CTCF: variants seen among roughly 807,000 people sequenced by gnomAD.
The protein encoded by CTCF is CCCTC-binding factor.
CTCF carries 7 observed loss-of-function variants against 72.3 expected under a neutral mutation model. The ratio of observed to expected loss-of-function variants is 0.10; its 90% CI spans 0.06 to 0.18. The LOEUF is 0.18. Among genes scored for constraint, CTCF ranks in the 10% least tolerant of loss-of-function variants. The probability of loss-of-function intolerance (pLI) is 1.00; values close to 1 mark genes in which losing one functional copy is unlikely to be tolerated. For missense variants in CTCF, 516 were observed against 949.1 expected, an observed-to-expected ratio of 0.54 and a Z score of 6.00; for synonymous variants, 374 against 315.8, an observed-to-expected ratio of 1.18 and a Z score of -1.95.
chr16:67,578,291 T>G (rs1403582363), intron 2 of CTCF, among the ~76,000 whole-genome samples: 1 of 151,360 alleles, frequency 6.6e-6, no homozygotes, highest in Non-Finnish European at 1.5e-5. Context: ...CCAAAGAAAA[T>G]TCTGCGTATA....
chr16:67,631,691 CT>C (rs1420919194), intron 10 of CTCF, among the ~76,000 whole-genome samples: 246 of 90,920 alleles, frequency 2.7e-3, no homozygotes, highest in African/African-American at 0.012. Flanking sequence ...CCCCCCCCCC[CT>C]TTTTTTTTTC....
chr16:67,635,135 C>T (rs2052412935), intron 10 of CTCF, among the ~76,000 whole-genome samples: 1 of 152,104 alleles, frequency 6.6e-6, no homozygotes, highest in African/African-American at 2.4e-5. Context: ...GATTCCACTG[C>T]CTCAGCCTCC....
At chr16:67,617,766 A>G (rs1024277868) in intron 5 of CTCF, among the ~76,000 whole-genome samples, 5 of 152,220 alleles carry the variant, frequency 3.3e-5, no homozygotes, top group African/African-American at 1.2e-4. Flanking sequence ...GCATTTTAAA[A>G]TGGTAGGTTT....
chr16:67,633,455 T>C (rs766694217), intron 10 of CTCF, among the ~76,000 whole-genome samples: 1 of 152,144 alleles, frequency 6.6e-6, no homozygotes, highest in Non-Finnish European at 1.5e-5. Context: ...GAATGGACAA[T>C]TGTGGCATTA....
chr16:67,637,982 A>C lies in CTCF; in HGVS notation c.*110A>C. ...TTGGCTTTGGGAAAAGCATCATTTT[A>C]CCAAACATACCGAGAACGAAAACTT... On this transcript the variant is annotated 3_prime_UTR_variant, in exon 12 of 12. Coordinates refer to ENST00000264010, the MANE Select transcript of CTCF (RefSeq NM_006565.4). The C allele has an allele frequency of 3.0e-6, 3 of 986,764 alleles. No homozygotes were observed. Among genetic ancestry groups the C allele is most frequent in the Non-Finnish European group, 4.4e-6 (3 of 688,866 alleles). The allele number at this position is 986,764 out of a possible 1,614,324, so 61.1% of individuals were successfully genotyped here.
chr16:67,618,457 A>T (rs2052161740), intron 5 of CTCF, among the ~76,000 whole-genome samples: 1 of 152,222 alleles, frequency 6.6e-6, no homozygotes, highest in Non-Finnish European at 1.5e-5. Flanking sequence ...ATCCTAATTA[A>T]TTCTGAAACA....
chr16:67,588,283 T>C (rs1289997461), intron 2 of CTCF, among the ~76,000 whole-genome samples: 3 of 152,216 alleles, frequency 2.0e-5, no homozygotes, highest in Non-Finnish European at 4.4e-5. Context: ...GTGTGTAGTT[T>C]ATTCCTATTT....
At chr16:67,592,279 G>C (rs1338590637) in intron 2 of CTCF, among the ~76,000 whole-genome samples, 5 of 151,924 alleles carry the variant, frequency 3.3e-5, no homozygotes, top group African/African-American at 4.8e-5. Context: ...GGGCATAGTG[G>C]TGTACGCCTG....
intron 3 of CTCF, 44 bp from the exon 4 acceptor site, chr16:67,611,907 A>G: frequency 6.5e-7 from 1 of 1,547,116 alleles, no homozygotes. Flanking sequence ...TAATCTTAAC[A>G]CTTTGAAACT....
At chr16:67,630,601 A>T (rs1432053430) in intron 10 of CTCF, among the ~76,000 whole-genome samples, 1 of 152,134 alleles carries the variant, frequency 6.6e-6, no homozygotes, top group East Asian at 1.9e-4. Context: ...CAAAAAATTT[A>T]AAAATTAGCC....
chr16:67,582,384 T>C (rs1444105149), intron 2 of CTCF, among the ~76,000 whole-genome samples: 4 of 151,862 alleles, frequency 2.6e-5, no homozygotes, highest in East Asian at 1.9e-4. Context: ...TCCTCATTAA[T>C]TGAATTATTT....
At chr16:67,580,555 T>G (rs1411035775) in intron 2 of CTCF, among the ~76,000 whole-genome samples, 1 of 151,422 alleles carries the variant, frequency 6.6e-6, no homozygotes, top group East Asian at 1.9e-4. Context: ...TATTTATGTA[T>G]TTATTTATTT....
chr16:67,581,252 T>A (rs145378134), intron 2 of CTCF, among the ~76,000 whole-genome samples: 1 of 152,068 alleles, frequency 6.6e-6, no homozygotes, highest in Non-Finnish European at 1.5e-5. Context: ...TTTAATTAGG[T>A]TGGAATCCTA....
At chr16:67,597,179 C>T (rs962571890) in intron 2 of CTCF, among the ~76,000 whole-genome samples, 14 of 152,016 alleles carry the variant, frequency 9.2e-5, no homozygotes, top group African/African-American at 2.9e-4. Context: ...AGACCCCAGG[C>T]GCACACCACC....
In CTCF at chr16:67,636,781, A is replaced by G; in HGVS notation, c.1929A>G (p.Pro643=). The part of the protein sequence containing the change: ...EPEPEPQPVT[P]APPPAKKRRG... ...AGCCAGAGCCTCAGCCTGTGACCCC[A>G]GCCCCACCACCCGCCAAGAAGCGGA... Residue 643 remains proline, a synonymous_variant, in exon 11 of 12, where the codon CCA becomes CCG. Transcript: ENST00000264010. 1 of 1,605,580 alleles carries G rather than the reference A, an allele frequency of 6.2e-7. No homozygotes were observed. The highest frequency in any genetic ancestry group is 8.5e-7 in the Non-Finnish European group (1 of 1,175,998).
rs59655549 is a variant in CTCF, at chr16:67,601,217, GGTGTGTGTGTGT to G, written c.-9-9580_-9-9569del. On this transcript the variant is annotated intron_variant, in intron 2 of 11. Transcript: ENST00000264010. ...CACTGCTTGATGGAATGCACTAAGG[GGTGTGTGTGTGT>G]GTGTGTGTGTGTGTGTGTGTGTGTG... Among the ~76,000 whole-genome samples the G allele has an allele frequency of 5.0e-4, 64 of 128,400 alleles. 2 individuals are homozygous for G. Among genetic ancestry groups the G allele is most frequent in the South Asian group, 1.4e-3 (5 of 3,668 alleles). 84.2% of individuals were successfully genotyped at this position (128,400 alleles called of 152,430 possible).
Position 67,603,681 on chromosome 16 carries a change from C to G in CTCF, c.-9-7143C>G, listed in dbSNP as rs372102268. Among the ~76,000 whole-genome samples the G allele has an allele frequency of 2.8e-3, 415 of 150,592 alleles. 5 individuals carry two copies. Among genetic ancestry groups the G allele is most frequent in the African/African-American group, 9.3e-3 (381 of 40,916 alleles). On this transcript the variant is annotated intron_variant, in intron 2 of 11. Transcript: ENST00000264010. Reference sequence around the variant, plus strand: ...TCTACTAAAAGTACAAAAAATTAGCCGGGCGTGGTGACAGGAGCCTGTAGT... The same window carrying G: ...TCTACTAAAAGTACAAAAAATTAGCGGGGCGTGGTGACAGGAGCCTGTAGT...
chr16:67,567,515 T>C (rs555158116), intron 1 of CTCF, among the ~76,000 whole-genome samples: 4 of 152,350 alleles, frequency 2.6e-5, no homozygotes, highest in African/African-American at 9.6e-5. Flanking sequence ...TTGTGGAGTT[T>C]AGCTAATTGT....
chr16:67,569,084 C>G (rs943924831), intron 1 of CTCF, among the ~76,000 whole-genome samples: 7 of 152,166 alleles, frequency 4.6e-5, no homozygotes, highest in African/African-American at 1.7e-4. Flanking sequence ...TGTGATCCGC[C>G]TGCCTTGGCT....
Sources: allele counts gnomAD v4.1 joint callset (sites outside exome capture counted in the v4.1 genomes callset), GRCh38; gene constraint gnomAD v4.1.1; transcripts MANE v1.5; gene names NCBI Gene and HGNC (gene_info 2026-07-23, HGNC 2026-07-21).